NDUFS4: variants seen among roughly 807,000 people sequenced by gnomAD.
NDUFS4 encodes the protein NADH:ubiquinone oxidoreductase subunit S4, also known as NADH dehydrogenase [ubiquinone] iron-sulfur protein 4, mitochondrial.
NDUFS4 carries 28 observed loss-of-function variants against 24.3 expected under a neutral mutation model. The observed-to-expected ratio is 1.15, with a 90% CI of 0.85 to 1.58. The LOEUF (loss-of-function observed/expected upper bound fraction) is 1.58, where lower values mean the gene tolerates loss of function less well. Among genes scored for constraint, NDUFS4 ranks in the 40% most tolerant of loss-of-function variants. The probability of loss-of-function intolerance (pLI) is 0.00; values close to 1 mark genes in which losing one functional copy is unlikely to be tolerated. For missense variants in NDUFS4, 223 were observed against 207.9 expected (o/e 1.07, Z -0.45); for synonymous variants, 93 against 69.7 (o/e 1.34, Z -1.67).
intron 3 of NDUFS4, among the ~76,000 whole-genome samples, chr5:53,652,570 C>G (rs1289509711): frequency 6.6e-6 from 1 of 151,966 alleles, no homozygotes; most frequent in African/African-American, 2.4e-5. Flanking sequence ...ATCTGCTTAT[C>G]TACAGTATTT....
At chr5:53,583,807 T>G (rs1162105851) in intron 1 of NDUFS4, among the ~76,000 whole-genome samples, 1 of 152,240 alleles carries the variant, frequency 6.6e-6, no homozygotes, top group African/African-American at 2.4e-5. Flanking sequence ...TCATGGCTTT[T>G]CAACCATAAT....
intron 3 of NDUFS4, among the ~76,000 whole-genome samples, chr5:53,656,743 G>C (rs1483103604): frequency 1.3e-5 from 2 of 152,156 alleles, no homozygotes; most frequent in African/African-American, 2.4e-5. Flanking sequence ...TGAAATTTTT[G>C]AACTGGGCAG....
chr5:53,643,650 C>T lies in NDUFS4; in HGVS notation c.178-2583C>T, dbSNP rs140030910. The stretch of plus-strand genomic sequence containing the variant: ...GGATGAAATGATAACAATAGGGTGT[C>T]GTGATGCATTTTTAAAGTGTGAGAA... On this transcript the variant is annotated intron_variant, in intron 2 of 4. Coordinates refer to ENST00000296684, the MANE Select transcript of NDUFS4 (RefSeq NM_002495.4). Among the ~76,000 whole-genome samples, 948 of 152,174 alleles carry T rather than the reference C, an allele frequency of 6.2e-3. 12 individuals are homozygous for T. Among genetic ancestry groups the T allele is most frequent in the African/African-American group, 0.021 (877 of 41,522 alleles).
intron 1 of NDUFS4, among the ~76,000 whole-genome samples, chr5:53,593,717 G>C (rs942016200): frequency 6.7e-6 from 1 of 150,290 alleles, no homozygotes; most frequent in African/African-American, 2.4e-5. Context: ...CACTGTTTTT[G>C]GTGCATCCCA....
chr5:53,619,358 C>T (rs1320304390), intron 2 of NDUFS4, among the ~76,000 whole-genome samples: 5 of 146,202 alleles, frequency 3.4e-5, no homozygotes, highest in African/African-American at 1.0e-4. Context: ...CTTGTGGTGG[C>T]GGGTGCTTGT....
At chr5:53,681,656 A>G (rs1290712944) in intron 4 of NDUFS4, among the ~76,000 whole-genome samples, 1 of 152,160 alleles carries the variant, frequency 6.6e-6, no homozygotes, top group Non-Finnish European at 1.5e-5. Flanking sequence ...TTGAACAAGT[A>G]AATTAATATT....
chr5:53,639,803 T>C (rs1751658654), intron 2 of NDUFS4, among the ~76,000 whole-genome samples: 1 of 152,198 alleles, frequency 6.6e-6, no homozygotes. Context: ...TTTTTTTCTT[T>C]TGATAACAGT....
intron 1 of NDUFS4, among the ~76,000 whole-genome samples, chr5:53,592,451 T>A (rs1477614123): frequency 6.6e-6 from 1 of 152,226 alleles, no homozygotes; most frequent in Admixed American, 6.5e-5. Flanking sequence ...TGGCATTGTA[T>A]CTGAAAACTC....
intron 2 of NDUFS4, among the ~76,000 whole-genome samples, chr5:53,606,702 A>G (rs903962775): frequency 6.6e-6 from 1 of 152,190 alleles, no homozygotes; most frequent in Non-Finnish European, 1.5e-5. Flanking sequence ...ATAAGAACTG[A>G]CTATCACTAA....
intron 1 of NDUFS4, among the ~76,000 whole-genome samples, chr5:53,565,966 G>A (rs1278760428): frequency 6.6e-6 from 1 of 152,070 alleles, no homozygotes; most frequent in Non-Finnish European, 1.5e-5. Flanking sequence ...GAGGTCAGGA[G>A]TTCGAGACCA....
At chr5:53,611,050 CAG>C (rs1215880304) in intron 2 of NDUFS4, among the ~76,000 whole-genome samples, 1 of 151,944 alleles carries the variant, frequency 6.6e-6, no homozygotes, top group African/African-American at 2.4e-5. Flanking sequence ...AACATATTCA[CAG>C]AGTCACTCAT....
intron 4 of NDUFS4, among the ~76,000 whole-genome samples, chr5:53,665,047 G>T (rs552350087): frequency 6.6e-6 from 1 of 152,308 alleles, no homozygotes; most frequent in Non-Finnish European, 1.5e-5. Flanking sequence ...CCTTCTAACA[G>T]TCAGGACCCT....
intron 1 of NDUFS4, among the ~76,000 whole-genome samples, chr5:53,600,065 T>C (rs1750262764): frequency 6.6e-6 from 1 of 152,100 alleles, no homozygotes; most frequent in African/African-American, 2.4e-5. Context: ...AATGGCACGA[T>C]CTCAGCTCAC....
chr5:53,615,936 A>T (rs1281834287), intron 2 of NDUFS4, among the ~76,000 whole-genome samples: 4 of 152,128 alleles, frequency 2.6e-5, no homozygotes, highest in Non-Finnish European at 4.4e-5. Context: ...GTAAATTAAG[A>T]TGTATCCATT....
chr5:53,662,700 A>T (rs964800423), intron 4 of NDUFS4, among the ~76,000 whole-genome samples: 3 of 152,132 alleles, frequency 2.0e-5, no homozygotes, highest in East Asian at 1.9e-4. Context: ...TTAGAGATTC[A>T]GCTTCTTCCT....
chr5:53,624,590 C>G (rs998418784), intron 2 of NDUFS4, among the ~76,000 whole-genome samples: 14 of 152,264 alleles, frequency 9.2e-5, no homozygotes, highest in Admixed American at 2.0e-4. Context: ...CTTTTCTATG[C>G]CATTGTAAAT....
chr5:53,574,998 T>C (rs1749337288), intron 1 of NDUFS4, among the ~76,000 whole-genome samples: 1 of 152,180 alleles, frequency 6.6e-6, no homozygotes, highest in Non-Finnish European at 1.5e-5. Context: ...AGAACCCTCC[T>C]TCAGATTTTT....
intron 3 of NDUFS4, among the ~76,000 whole-genome samples, chr5:53,655,126 G>A (rs1184967828): frequency 6.6e-6 from 1 of 152,052 alleles, no homozygotes; most frequent in Non-Finnish European, 1.5e-5. Context: ...ATTTTGCCAG[G>A]CTTAATATTG....
intron 4 of NDUFS4, among the ~76,000 whole-genome samples, chr5:53,659,070 T>C (rs1322135145): frequency 6.6e-6 from 1 of 152,154 alleles, no homozygotes; most frequent in Non-Finnish European, 1.5e-5. Context: ...AAATATTGTC[T>C]TATTGCCTGT....
Sources: allele counts gnomAD v4.1 joint callset (sites outside exome capture counted in the v4.1 genomes callset), GRCh38; gene constraint gnomAD v4.1.1; transcripts MANE v1.5; gene names NCBI Gene and HGNC (gene_info 2026-07-23, HGNC 2026-07-21).